ELP1: variants seen among roughly 807,000 people sequenced by gnomAD.
The protein encoded by ELP1 is elongator acetyltransferase complex subunit 1, also known as elongator complex protein 1.
A neutral mutation model predicts 183.2 loss-of-function variants in ELP1; 131 were observed. That is an observed-to-expected ratio of 0.72 (90% CI 0.62 to 0.83). The LOEUF is 0.83. ELP1 is among the 40% of genes least tolerant of loss of function. The pLI is 0.00. For missense variants in ELP1, 1,550 were observed against 1,594.9 expected (o/e 0.97, Z 0.48); for synonymous variants, 555 against 569.0 (o/e 0.98, Z 0.35).
chr9:108,912,739 A>G (rs1311971893), intron 10 of ELP1, among the ~76,000 whole-genome samples: 2 of 150,096 alleles, frequency 1.3e-5, no homozygotes, highest in Non-Finnish European at 3.0e-5. Context: ...ACTTTTATTC[A>G]TATGTTTATT....
chr9:108,900,641 C>T (rs566749927), intron 18 of ELP1, among the ~76,000 whole-genome samples: 1 of 152,134 alleles, frequency 6.6e-6, no homozygotes, highest in South Asian at 2.1e-4. Context: ...AGAATTGGGG[C>T]AACTTCTCTA....
chr9:108,906,267 G>C, intron 14 of ELP1, 36 bp downstream of exon 14: 1 of 1,607,212 alleles, frequency 6.2e-7, no homozygotes, highest in Middle Eastern at 1.7e-4. Flanking sequence ...AACTCCATTT[G>C]CTTAACATGT....
intron 29 of ELP1, among the ~76,000 whole-genome samples, chr9:108,885,279 G>T (rs1019904333): frequency 6.6e-6 from 1 of 151,746 alleles, no homozygotes; most frequent in African/African-American, 2.4e-5. Context: ...TAAACCTCTG[G>T]CCAGAATAAT....
Position 108,878,669 on chromosome 9 carries a change from G to A in ELP1, c.3654C>T (p.Leu1218=). ...KEGSPLEDLA[L]LEALSEVVQN... ...GCACCACTTCACTCAGTGCCTCCAG[G>A]AGGGCCAGGTCCTCCAGCGGACTGC... Residue 1218 remains leucine (L), a synonymous_variant, in exon 34 of 37, where the codon CTC becomes CTT. Coordinates refer to ENST00000374647, the MANE Select transcript of ELP1 (RefSeq NM_003640.5). 6.2e-7 allele frequency: 1 copy of A among 1,614,176 alleles called. No individual in the cohort carries two copies. Among genetic ancestry groups the A allele is most frequent in the Non-Finnish European group, 8.5e-7 (1 of 1,180,020 alleles).
chr9:108,907,297 A>ATT, intron 13 of ELP1, among the ~76,000 whole-genome samples: 1 of 152,028 alleles, frequency 6.6e-6, no homozygotes, highest in East Asian at 1.9e-4. Flanking sequence ...ATCCCCATCA[A>ATT]TTTTTTTTAA....
At chr9:108,927,933 A>C (rs1448281129) in intron 3 of ELP1, among the ~76,000 whole-genome samples, 1 of 152,180 alleles carries the variant, frequency 6.6e-6, no homozygotes, top group Non-Finnish European at 1.5e-5. Context: ...GTTAATAGGT[A>C]CAAAAAAAAA....
intron 26 of ELP1, 123 bp from the exon 27 acceptor site, chr9:108,893,206 A>G (rs1828410514): frequency 1.4e-6 from 1 of 716,792 alleles, no homozygotes; most frequent in Non-Finnish European, 2.5e-6. Flanking sequence ...ATAATCAGAG[A>G]ATCTGAAGAA....
chr9:108,891,338 A>C lies in ELP1; in HGVS notation c.3025T>G (p.Phe1009Val). Residue 1009 changes from phenylalanine (F) to valine (V), a missense_variant, in exon 28 of 37, where the codon TTT (phenylalanine) becomes GTT (valine). Transcript: ENST00000374647. ...TTCTCGTGGGCACCGCAACGGGCAAACATGAGCCCCGCTGGCTCATACATG... is the reference window on the plus strand; with the variant it reads ...TTCTCGTGGGCACCGCAACGGGCAACCATGAGCCCCGCTGGCTCATACATG... ...EHMYEPAGLM[F>V]ARCGAHEKAL... 1 of 1,614,150 alleles carries C rather than the reference A, an allele frequency of 6.2e-7. No homozygotes were observed. Among genetic ancestry groups the C allele is most frequent in the Non-Finnish European group, 8.5e-7 (1 of 1,180,036 alleles).
intron 2 of ELP1, among the ~76,000 whole-genome samples, chr9:108,930,568 T>A (rs1374344557): frequency 1.3e-5 from 2 of 151,816 alleles, no homozygotes; most frequent in Non-Finnish European, 2.9e-5. Context: ...CGGGCGCCTG[T>A]AGTCCCAGCT....
chr9:108,902,814 A>T (rs374791568), intron 16 of ELP1, 25 bp downstream of exon 16: 17 of 1,569,884 alleles, frequency 1.1e-5, no homozygotes, highest in African/African-American at 2.7e-5. Context: ...ACTTTAAGTA[A>T]ATTTCCTGCT....
rs2131997289 is a variant in ELP1, at chr9:108,903,784, T to A, written c.1644-115A>T. On this transcript the variant is annotated intron_variant, in intron 14 of 36. Transcript: ENST00000374647. ...TTTGATGCTGCACTACCTACTTCAA[T>A]ACAATGTAGACAAAATACATATATA... The A allele has an allele frequency of 6.8e-6, 5 of 738,910 alleles. No homozygotes were observed. In the East Asian group the frequency reaches 1.3e-4, roughly 19 times the overall value. 45.8% of individuals were successfully genotyped at this position (738,910 alleles called of 1,614,324 possible).
chr9:108,918,901 C>G lies in ELP1; in HGVS notation c.650G>C (p.Gly217Ala). The change falls in exon 8 of 37, where the codon GGG becomes GCG. Residue 217 changes from glycine to alanine, a missense_variant and splice_region_variant. By Grantham distance (60) the Gly-to-Ala change is moderately conservative (BLOSUM62 0). Coordinates refer to ENST00000374647, the MANE Select transcript of ELP1 (RefSeq NM_003640.5). The part of the protein sequence containing the change: ...FAVSVVCPET[G>A]ARKVRVWNRE... ...GTTCCACACTCTGACCTTCCGAGCCCCTGTGCGGGAGTGGAGTCAAACACA... is the reference window on the plus strand; with the variant it reads ...GTTCCACACTCTGACCTTCCGAGCCGCTGTGCGGGAGTGGAGTCAAACACA... 6.2e-7 allele frequency: 1 copy of G among 1,613,400 alleles called. No individual in the cohort carries two copies. The highest frequency in any genetic ancestry group is 8.5e-7 in the Non-Finnish European group (1 of 1,179,330).
chr9:108,885,865 G>A (rs944321976), intron 29 of ELP1, among the ~76,000 whole-genome samples: 1 of 152,182 alleles, frequency 6.6e-6, no homozygotes, highest in Non-Finnish European at 1.5e-5. Context: ...GATCTTGGGG[G>A]TATGGGTGCA....
intron 32 of ELP1, among the ~76,000 whole-genome samples, 160 bp from the exon 33 acceptor site, chr9:108,879,717 A>G (rs1393483575): frequency 6.6e-6 from 1 of 152,258 alleles, no homozygotes; most frequent in Admixed American, 6.5e-5. Flanking sequence ...ATAATATTAA[A>G]TACAGTAATT....
chr9:108,915,370 A>C (rs1829392447), intron 10 of ELP1, among the ~76,000 whole-genome samples: 1 of 152,206 alleles, frequency 6.6e-6, no homozygotes, highest in Non-Finnish European at 1.5e-5. Flanking sequence ...ACTATAAGGA[A>C]AGCAGATTAT....
rs1180754935 is a variant in ELP1 at position 108,920,700 on chromosome 9, TG to T, written c.553-1352del. 5.3e-5 allele frequency among the ~76,000 whole-genome samples: 8 copies of T among 152,284 alleles called. No individual in the cohort carries two copies. The East Asian group carries it at 1.5e-3, about 29-fold the overall frequency. On this transcript the variant is annotated intron_variant, in intron 6 of 36. Transcript: ENST00000374647. The stretch of plus-strand genomic sequence containing the variant: ...AGTAAATTATGCTCACATGAGTACT[TG>T]TATCTGCCTACTCCATGGATTTTTG...
At chr9:108,871,481 C>T (rs555328508) in intron 36 of ELP1, among the ~76,000 whole-genome samples, 1 of 152,290 alleles carries the variant, frequency 6.6e-6, no homozygotes, top group African/African-American at 2.4e-5. Flanking sequence ...TCCAAGCCTT[C>T]TTGTTGTATG....
chr9:108,898,698 G>A lies in ELP1; in HGVS notation c.2256C>T (p.Leu752=), dbSNP rs748119170. 5.6e-6 allele frequency: 9 copies of A among 1,612,876 alleles called. No homozygotes were observed. The highest frequency in any genetic ancestry group is 7.6e-6 in the Non-Finnish European group (9 of 1,179,252). The part of the protein sequence containing the change: ...FECMRKLRIN[L]NLIYDHNPKV... ...TAGGGTTATGATCATAAATCAGATT[G>A]AGATTGATTCTCAGCTTTCTCATGC... is the stretch of plus-strand genomic sequence containing the variant. Residue 752 remains leucine (L), a synonymous_variant, in exon 21 of 37, where the codon CTC becomes CTT. Coordinates refer to ENST00000374647, the MANE Select transcript of ELP1 (RefSeq NM_003640.5).
In ELP1 at chr9:108,896,623, T is replaced by A. The variant is rs758283605; in HGVS notation, c.2609A>T (p.Asp870Val). 2 of 1,613,902 alleles carry A rather than the reference T, an allele frequency of 1.2e-6. No homozygotes were observed. The highest frequency in any genetic ancestry group is 1.7e-6 in the Non-Finnish European group (2 of 1,179,932). The change falls in exon 25 of 37, where the codon GAT becomes GTT. Residue 870 changes from aspartate to valine, a missense_variant. Physicochemically the swap from Asp to Val is radical, Grantham distance 152. Transcript: ENST00000374647. ...ELQGNAPSDP[D>V]AVSAEEALKY... ...CAAGGCCTCTTCAGCACTCACAGCA[T>A]CAGGATCAGAGGGAGCATTTCCTAA...
Sources: gnomAD v4.1 joint callset for allele counts (sites outside exome capture counted in the v4.1 genomes callset) on GRCh38, gnomAD v4.1.1 for gene constraint, MANE v1.5 for transcripts, NCBI Gene and HGNC (gene_info 2026-07-23, HGNC 2026-07-21) for gene names.